The following PALM2AKAP2 variants were observed in gnomAD, a reference collection of about 807,000 sequenced individuals.
PALM2AKAP2 encodes PALM2 and AKAP2 fusion, also known as PALM2-AKAP2 fusion protein.
PALM2AKAP2 carries 37 observed loss-of-function variants against 71.5 expected under a neutral mutation model. That is an observed-to-expected ratio of 0.52 (90% CI 0.40 to 0.68). The LOEUF is 0.68. Ranked by LOEUF, PALM2AKAP2 falls within the 30% of genes least tolerant of loss-of-function variation. The probability of loss-of-function intolerance (pLI) is 0.00; values close to 1 mark genes in which losing one functional copy is unlikely to be tolerated. For synonymous variants in PALM2AKAP2, 468 were observed against 478.8 expected, an observed-to-expected ratio of 0.98 and a Z score of 0.29; for missense variants, 1,224 against 1,191.8, an observed-to-expected ratio of 1.03 and a Z score of -0.40.
intron 7 of PALM2AKAP2, among the ~76,000 whole-genome samples, chr9:110,037,838 G>A (rs750704708): frequency 1.2e-4 from 18 of 152,294 alleles, no homozygotes; most frequent in South Asian, 2.1e-4. Context: ...TAGGCATCCC[G>A]TGGAGAGGTT....
chr9:109,893,685 TG>T (rs1469916095), intron 3 of PALM2AKAP2, among the ~76,000 whole-genome samples: 7 of 152,164 alleles, frequency 4.6e-5, no homozygotes, highest in African/African-American at 1.7e-4. Flanking sequence ...TGAGCTCAAG[TG>T]ATCCATCTAC....
intron 1 of PALM2AKAP2, among the ~76,000 whole-genome samples, chr9:110,101,849 A>C (rs147608853): frequency 6.6e-6 from 1 of 152,350 alleles, no homozygotes; most frequent in East Asian, 1.9e-4. Context: ...TGGATATAAC[A>C]TATGACCCAC....
intron 1 of PALM2AKAP2, chr9:109,772,152 G>T (rs1829275576): frequency 6.6e-6 from 1 of 152,272 alleles, no homozygotes; most frequent in Non-Finnish European, 1.5e-5. Context: ...CTAAAGTCTT[G>T]TTCCTGGTCA....
At chr9:110,135,188 T>TATATATATATATA (rs1484544851) in intron 1 of PALM2AKAP2, among the ~76,000 whole-genome samples, 1 of 93,540 alleles carries the variant, frequency 1.1e-5, no homozygotes, top group African/African-American at 4.4e-5. Context: ...TATATATATA[T>TATATATATATATA]AAATCAGCCA....
chr9:110,158,434 A>G (rs1194219943), intron 3 of PALM2AKAP2, among the ~76,000 whole-genome samples: 2 of 152,176 alleles, frequency 1.3e-5, no homozygotes, highest in South Asian at 4.1e-4. Context: ...TCACTTGTGT[A>G]TGTCTTTTGT....
At chr9:110,124,603 C>T (rs927622703) in intron 1 of PALM2AKAP2, among the ~76,000 whole-genome samples, 2 of 152,136 alleles carry the variant, frequency 1.3e-5, no homozygotes, top group Non-Finnish European at 2.9e-5. Context: ...ACGCCAACTC[C>T]CTGTTAGACT....
exon 2 of PALM2AKAP2, chr9:110,137,118 A>G (rs1462292681): frequency 1.9e-6 from 3 of 1,613,450 alleles, no homozygotes; most frequent in Non-Finnish European, 2.5e-6. Flanking sequence ...CCCCCATCGC[A>G]GCTCTGCACA....
intron 1 of PALM2AKAP2, among the ~76,000 whole-genome samples, chr9:109,861,075 G>T (rs1055076519): frequency 1.3e-5 from 2 of 152,190 alleles, no homozygotes; most frequent in Non-Finnish European, 2.9e-5. Flanking sequence ...CCTTCCCACT[G>T]CTGTGCCCTG....
chr9:109,763,199 C>A (rs1486860119), intron 1 of PALM2AKAP2, among the ~76,000 whole-genome samples: 2 of 152,072 alleles, frequency 1.3e-5, no homozygotes, highest in African/African-American at 4.8e-5. Context: ...CTGAGGGAAA[C>A]TCAGAGGGCG....
Position 109,816,804 on chromosome 9 carries a change from G to C in PALM2AKAP2, c.45+36271G>C, listed in dbSNP as rs117138121. 2.0e-5 allele frequency among the ~76,000 whole-genome samples: 3 copies of C among 152,236 alleles called. No individual in the cohort carries two copies. The East Asian group carries it at 5.8e-4, about 29-fold the overall frequency. ...GGAACAGATGAGACTTTTTCCATGAGGGCAGAGGAGTCATGGTCTGGAAAT... is the reference window on the plus strand; with the variant it reads ...GGAACAGATGAGACTTTTTCCATGACGGCAGAGGAGTCATGGTCTGGAAAT... On this transcript the variant is annotated intron_variant, in intron 1 of 9. Coordinates refer to the PALM2AKAP2 transcript ENST00000302798.
At chr9:109,923,608 C>A in intron 3 of PALM2AKAP2, 127 bp from the exon 4 acceptor site, 1 of 972,450 alleles carries the variant, frequency 1.0e-6, no homozygotes, top group Non-Finnish European at 1.5e-6. Context: ...CTTGGCCTGG[C>A]TCCTCAGCGT....
chr9:109,722,805 TTTAAAATTC>T (rs1828425587), intron 1 of PALM2AKAP2, among the ~76,000 whole-genome samples: 1 of 152,042 alleles, frequency 6.6e-6, no homozygotes, highest in Non-Finnish European at 1.5e-5. Context: ...CACTTTAAAT[TTTAAAATTC>T]TTCACCTGGC....
At chr9:110,090,357 A>G (rs7864246) in intron 1 of PALM2AKAP2, 64,753 of 456,498 alleles carry the variant, frequency 0.14, 6,090 homozygotes, top group African/African-American at 0.34. Context: ...TGAAGATCAG[A>G]TATAACTGAG....
At chr9:109,866,961 G>A in intron 1 of PALM2AKAP2, 1 of 450,150 alleles carries the variant, frequency 2.2e-6, no homozygotes. Flanking sequence ...GCATTGTTTG[G>A]TATGTCCAAC....
intron 6 of PALM2AKAP2, among the ~76,000 whole-genome samples, chr9:109,998,755 AC>A (rs1832621616): frequency 7.7e-6 from 1 of 130,448 alleles, no homozygotes; most frequent in South Asian, 2.7e-4. Context: ...TGACAGCGAG[AC>A]CCTGTCGCAA....
At chr9:109,755,045 C>A (rs370567012) in intron 1 of PALM2AKAP2, among the ~76,000 whole-genome samples, 1 of 152,038 alleles carries the variant, frequency 6.6e-6, no homozygotes, top group East Asian at 1.9e-4. Flanking sequence ...TCCTTAGAAC[C>A]TCCACCTCTG....
intron 1 of PALM2AKAP2, among the ~76,000 whole-genome samples, chr9:109,816,998 T>C (rs755073801): frequency 6.6e-6 from 1 of 152,216 alleles, no homozygotes; most frequent in Non-Finnish European, 1.5e-5. Flanking sequence ...ATGTAGTCTA[T>C]TTTCAACTTT....
chr9:109,843,001 G>C (rs1389351835), intron 1 of PALM2AKAP2, among the ~76,000 whole-genome samples: 2 of 151,870 alleles, frequency 1.3e-5, no homozygotes, highest in African/African-American at 4.8e-5. Flanking sequence ...TTTGCCGGGC[G>C]TGGTGGCGCA....
chr9:110,128,334 T>G (rs917021330), intron 1 of PALM2AKAP2, among the ~76,000 whole-genome samples: 1 of 152,194 alleles, frequency 6.6e-6, no homozygotes, highest in Non-Finnish European at 1.5e-5. Flanking sequence ...TCATCATGAT[T>G]GTCATTGCGT....
Sources: allele counts gnomAD v4.1 joint callset (sites outside exome capture counted in the v4.1 genomes callset), GRCh38; gene constraint gnomAD v4.1.1; transcripts MANE v1.5; gene names NCBI Gene and HGNC (gene_info 2026-07-23, HGNC 2026-07-21).